AKIP1: variants seen among roughly 807,000 people sequenced by gnomAD.
AKIP1 encodes the protein A-kinase interacting protein 1, also known as A-kinase-interacting protein 1.
In AKIP1, 18 loss-of-function variants were observed where a neutral mutation model predicts 22.3. The ratio of observed to expected loss-of-function variants is 0.81; its 90% CI spans 0.56 to 1.19. AKIP1 has a LOEUF of 1.19. Ranked by LOEUF, AKIP1 falls within the 50% of genes most tolerant of loss-of-function variation. AKIP1 has a pLI of 0.00. For missense variants in AKIP1, 287 were observed against 264.6 expected (o/e 1.08, Z -0.59); for synonymous variants, 120 against 102.7 (o/e 1.17, Z -1.02).
rs71059196 is a variant in AKIP1, at chr11:8,912,871, CT to C, written c.303+359del. ...GTTAAATATTAGGGGTTTTTTTTAA[CT>C]TTTTTTTTTTTTTTTTTTTTGAGAC... is the stretch of plus-strand genomic sequence containing the variant. On this transcript the variant is annotated intron_variant, in intron 3 of 5. Coordinates refer to ENST00000309377, the MANE Select transcript of AKIP1 (RefSeq NM_020642.4). Among the ~76,000 whole-genome samples, 291 of 92,954 alleles carry C rather than the reference CT, an allele frequency of 3.1e-3. 1 individual carries two copies. Among genetic ancestry groups the C allele is most frequent in the African/African-American group, 0.011 (270 of 23,798 alleles). 61.0% of individuals were successfully genotyped at this position (92,954 alleles called of 152,430 possible).
chr11:8,911,254 T>G (rs1589907613), intron 1 of AKIP1, 31 bp downstream of exon 1: 5 of 565,810 alleles, frequency 8.8e-6, no homozygotes, highest in South Asian at 2.3e-5. Context: ...GCGGAAGGGG[T>G]AGATGAAAAT....
chr11:8,914,327 C>T (rs544951363), intron 3 of AKIP1, among the ~76,000 whole-genome samples: 5 of 152,284 alleles, frequency 3.3e-5, no homozygotes, highest in African/African-American at 9.6e-5. Flanking sequence ...CTCCCCCACG[C>T]GCAGGAAGCA....
intron 3 of AKIP1, among the ~76,000 whole-genome samples, chr11:8,913,071 G>T (rs989686646): frequency 6.7e-6 from 1 of 149,428 alleles, no homozygotes; most frequent in African/African-American, 2.5e-5. Flanking sequence ...AGTAGAGACG[G>T]GGTTTCACTG....
intron 5 of AKIP1, 114 bp downstream of exon 5, chr11:8,917,481 G>A: frequency 1.2e-6 from 1 of 853,626 alleles, no homozygotes; most frequent in Non-Finnish European, 2.0e-6. Context: ...TTTAAGTTGA[G>A]ATGTTCTTAC....
chr11:8,919,516 AAGT>A lies in AKIP1; in HGVS notation c.*41_*43del, dbSNP rs747461450. 1.2e-6 allele frequency: 2 copies of A among 1,603,766 alleles called. No individual in the cohort carries two copies. The highest frequency in any genetic ancestry group is 1.7e-6 in the Non-Finnish European group (2 of 1,175,046). On this transcript the variant is annotated 3_prime_UTR_variant, in exon 6 of 6. Coordinates refer to ENST00000309377, the MANE Select transcript of AKIP1 (RefSeq NM_020642.4). ...CACTGCCATCACATCACCTTTTTTT[AAGT>A]AGTAAGAATAAAGCCACTGTATGAT... is the stretch of plus-strand genomic sequence containing the variant.
chr11:8,911,653 G>A lies in AKIP1; in HGVS notation c.204G>A (p.Gln68=). The change falls in exon 2 of 6, where the codon CAG becomes CAA. Residue 68 remains glutamine, a synonymous_variant. Transcript: ENST00000309377. ...AGAAACAGCCGGCAGCCGGCCCGCAGCGCGTTCTCCCGGGAGAGGTGAGGG... is the reference window on the plus strand; with the variant it reads ...AGAAACAGCCGGCAGCCGGCCCGCAACGCGTTCTCCCGGGAGAGGTGAGGG... The part of the protein sequence containing the change: ...HLEKQPAAGP[Q]RVLPGEREER... 1 of 1,567,630 alleles carries A rather than the reference G, an allele frequency of 6.4e-7. No individual in the cohort carries two copies. Among genetic ancestry groups the A allele is most frequent in the Non-Finnish European group, 8.6e-7 (1 of 1,159,400 alleles).
Position 8,916,514 on chromosome 11 carries a change from CA to C in AKIP1, c.409-770del, listed in dbSNP as rs552084202. Among the ~76,000 whole-genome samples the C allele has an allele frequency of 6.8e-4, 103 of 152,300 alleles. 1 individual carries two copies. Among genetic ancestry groups the C allele is most frequent in the African/African-American group, 2.4e-3 (99 of 41,564 alleles). Reference sequence around the variant, plus strand: ...CTACCCTACTTGTACTCAAAGATAGCAAACTGAAGTCCAGAGTCTATTCCAG... The same window carrying C: ...CTACCCTACTTGTACTCAAAGATAGCAACTGAAGTCCAGAGTCTATTCCAG... On this transcript the variant is annotated intron_variant, in intron 4 of 5. Transcript: ENST00000309377.
In AKIP1 at chr11:8,919,395, C is replaced by T. The variant is rs2064541084; in HGVS notation, c.548C>T (p.Thr183Ile). Residue 183 changes from threonine (T) to isoleucine (I), a missense_variant, in exon 6 of 6, where the codon ACT becomes ATT. By Grantham distance (89) the Thr-to-Ile change is moderately conservative. Coordinates refer to ENST00000309377, the MANE Select transcript of AKIP1 (RefSeq NM_020642.4). ...GTATATCCAGGGACCTATTCTGTCA[C>T]TGTGGGCTCAAATGACTTAACCAAG... ...IEVYPGTYSVTVGSNDLTKKT... is the reference protein window; with the variant it reads ...IEVYPGTYSVIVGSNDLTKKT... The T allele has an allele frequency of 1.2e-6, 2 of 1,614,166 alleles. No homozygotes were observed. The highest frequency in any genetic ancestry group is 4.5e-5 in the East Asian group (2 of 44,888).
At chr11:8,914,674 T>A in intron 3 of AKIP1, 152 bp from the exon 4 acceptor site, 1 of 581,784 alleles carries the variant, frequency 1.7e-6, no homozygotes, top group Non-Finnish European at 3.1e-6. Context: ...CTAAGGTTTG[T>A]TGCATGACTT....
rs771038583 is a variant in AKIP1, at chr11:8,914,883, A to G, written c.361A>G (p.Arg121Gly). Reference sequence around the variant, plus strand: ...GGCAACCCATGTCTATCGTTATCACAGAGGCGAGTCGAAGCTGCACATGTG... The same window carrying G: ...GGCAACCCATGTCTATCGTTATCACGGAGGCGAGTCGAAGCTGCACATGTG... ...GGATHVYRYHRGESKLHMCLD... is the reference protein window; with the variant it reads ...GGATHVYRYHGGESKLHMCLD... Residue 121 changes from arginine (R) to glycine (G), a missense_variant, in exon 4 of 6, where the codon AGA becomes GGA. Transcript: ENST00000309377. The G allele has an allele frequency of 1.2e-6, 2 of 1,614,034 alleles. No homozygotes were observed. The highest frequency in any genetic ancestry group is 1.7e-6 in the Non-Finnish European group (2 of 1,179,994).
intron 4 of AKIP1, among the ~76,000 whole-genome samples, chr11:8,915,358 C>CT (rs559350653): frequency 3.1e-3 from 258 of 83,970 alleles, no homozygotes; most frequent in African/African-American, 9.7e-3. Context: ...TTTTTTTTTT[C>CT]TTTTTTTTTT....
chr11:8,917,954 C>T (rs1192139919), intron 5 of AKIP1: 2 of 153,742 alleles, frequency 1.3e-5, no homozygotes, highest in African/African-American at 2.4e-5. Flanking sequence ...AGCATGGTGC[C>T]GCAATACATT....
In AKIP1 at chr11:8,911,473, A is replaced by C. The variant is rs1266059656; in HGVS notation, c.24A>C (p.Ala8=). The C allele has an allele frequency of 6.2e-7, 1 of 1,602,878 alleles. No homozygotes were observed. The highest frequency in any genetic ancestry group is 1.1e-5 in the South Asian group (1 of 88,608). Residue 8 remains alanine (A), a synonymous_variant, in exon 2 of 6, where the codon GCA becomes GCC. Transcript: ENST00000309377. The part of the protein sequence containing the change: MDNCLAA[A]ALNGVDRRSL... The stretch of plus-strand genomic sequence containing the variant: ...CCATGGACAACTGTTTGGCGGCCGC[A>C]GCGCTGAATGGGGTGGACCGACGTT...
chr11:8,915,354 TTTTC>T (rs1589923929), intron 4 of AKIP1, among the ~76,000 whole-genome samples: 1 of 127,778 alleles, frequency 7.8e-6, no homozygotes, highest in African/African-American at 2.8e-5. Flanking sequence ...AGGATTTTTT[TTTTC>T]TTTTTTTTTT....
chr11:8,915,003 T>G (rs1197639586), intron 4 of AKIP1, 73 bp downstream of exon 4: 2 of 1,184,182 alleles, frequency 1.7e-6, no homozygotes, highest in Non-Finnish European at 2.4e-6. Flanking sequence ...CAAGAGCCCC[T>G]GCTAGACTTT....
chr11:8,911,430 G>C lies in AKIP1; in HGVS notation c.-6-14G>C. 6.4e-7 allele frequency: 1 copy of C among 1,567,170 alleles called. No individual in the cohort carries two copies. The highest frequency in any genetic ancestry group is 8.7e-7 in the Non-Finnish European group (1 of 1,156,028). ...GCTGACCCGCCGGCGTTTGTACGTT[G>C]TGTGCCCACTCAGGGAGCCATGGAC... On this transcript the variant is annotated splice_polypyrimidine_tract_variant and intron_variant, in intron 1 of 5. Coordinates refer to ENST00000309377, the MANE Select transcript of AKIP1 (RefSeq NM_020642.4).
chr11:8,913,178 CTT>C (rs772589646), intron 3 of AKIP1, among the ~76,000 whole-genome samples: 27 of 133,110 alleles, frequency 2.0e-4, no homozygotes, highest in Admixed American at 2.3e-4. Flanking sequence ...CGTGCCCGAC[CTT>C]TTTTTTTTTT....
intron 3 of AKIP1, among the ~76,000 whole-genome samples, chr11:8,912,979 A>G (rs1263608407): frequency 7.4e-6 from 1 of 135,862 alleles, no homozygotes; most frequent in Admixed American, 8.5e-5. Flanking sequence ...GGTTCACACC[A>G]TTCTCCTGCC....
intron 5 of AKIP1, chr11:8,918,185 A>G (rs530859031): frequency 6.6e-5 from 10 of 152,364 alleles, no homozygotes; most frequent in African/African-American, 2.4e-4. Flanking sequence ...CAAATGAAGC[A>G]TCCTTGGCTT....
Sources: allele counts gnomAD v4.1 joint callset (sites outside exome capture counted in the v4.1 genomes callset), GRCh38; gene constraint gnomAD v4.1.1; transcripts MANE v1.5; gene names NCBI Gene and HGNC (gene_info 2026-07-23, HGNC 2026-07-21).